NPAS3: variants seen among roughly 807,000 people sequenced by gnomAD.
NPAS3 encodes the protein neuronal PAS domain protein 3.
NPAS3 carries 14 observed loss-of-function variants against 73.1 expected under a neutral mutation model. The ratio of observed to expected loss-of-function variants is 0.19; its 90% confidence interval spans 0.13 to 0.30. The LOEUF is 0.30. Among genes scored for constraint, NPAS3 ranks in the 10% least tolerant of loss-of-function variants. The probability of loss-of-function intolerance (pLI) is 1.00; values close to 1 mark genes in which losing one functional copy is unlikely to be tolerated. For synonymous variants in NPAS3, 620 were observed against 541.5 expected, an observed-to-expected ratio of 1.14 and a Z score of -2.01; for missense variants, 1,096 against 1,250.0, an observed-to-expected ratio of 0.88 and a Z score of 1.86.
chr14:33,206,920 A>G (rs1215074210), intron 2 of NPAS3, among the ~76,000 whole-genome samples: 1 of 152,028 alleles, frequency 6.6e-6, no homozygotes, highest in Non-Finnish European at 1.5e-5. Flanking sequence ...GACCCTTTCA[A>G]ACATTTAGCT....
chr14:32,992,862 T>C (rs2038390591), intron 1 of NPAS3, among the ~76,000 whole-genome samples: 2 of 151,890 alleles, frequency 1.3e-5, no homozygotes, highest in Admixed American at 6.5e-5. Flanking sequence ...CAAGGAAAAT[T>C]ATGGTCTCTC....
intron 1 of NPAS3, among the ~76,000 whole-genome samples, chr14:32,951,155 G>C (rs1480940528): frequency 6.6e-6 from 1 of 151,960 alleles, no homozygotes; most frequent in Non-Finnish European, 1.5e-5. Flanking sequence ...TTCTACCTAG[G>C]TTCTTTAACC....
chr14:33,576,402 G>C (rs2056435111), intron 5 of NPAS3, among the ~76,000 whole-genome samples: 1 of 152,148 alleles, frequency 6.6e-6, no homozygotes. Flanking sequence ...CTGTCGCCTT[G>C]AGCTTGCCTT....
intron 3 of NPAS3, among the ~76,000 whole-genome samples, chr14:33,264,271 G>T (rs1297085503): frequency 6.6e-6 from 1 of 151,876 alleles, no homozygotes; most frequent in Non-Finnish European, 1.5e-5. Context: ...GGGGCCTGTT[G>T]TGGGGTAGGG....
chr14:33,434,052 C>T (rs1401746633), intron 4 of NPAS3, among the ~76,000 whole-genome samples: 8 of 151,858 alleles, frequency 5.3e-5, no homozygotes, highest in Non-Finnish European at 8.8e-5. Context: ...ATTAGCTGGG[C>T]GTGGTGGCAG....
intron 1 of NPAS3, among the ~76,000 whole-genome samples, chr14:32,962,557 CTTTTTTCTTTTCTTTTT>C (rs2036970910): frequency 7.5e-6 from 1 of 132,840 alleles, no homozygotes; most frequent in African/African-American, 2.9e-5. Context: ...TTCTTTCTTT[CTTTTTTCTTTTCTTTTT>C]TTTTTTTTTT....
At chr14:33,768,432 G>A (rs141772385) in intron 7 of NPAS3, among the ~76,000 whole-genome samples, 52 of 152,264 alleles carry the variant, frequency 3.4e-4, no homozygotes, top group Admixed American at 1.1e-3. Context: ...GCATTGGCCA[G>A]AACCAAAGCT....
At chr14:32,938,979 G>C (rs950910996), upstream of NPAS3, among the ~76,000 whole-genome samples, 3 of 146,268 alleles carry the variant, frequency 2.1e-5, no homozygotes, top group African/African-American at 7.4e-5. Context: ...CGGGCGAGCA[G>C]CGGGAGGAGA....
At chr14:33,712,864 C>G (rs1166273488) in intron 6 of NPAS3, among the ~76,000 whole-genome samples, 3 of 152,174 alleles carry the variant, frequency 2.0e-5, no homozygotes, top group Non-Finnish European at 4.4e-5. Flanking sequence ...AAAGGAAATG[C>G]TCCGAAAGCT....
intron 5 of NPAS3, among the ~76,000 whole-genome samples, chr14:33,653,557 G>A (rs1203771687): frequency 2.0e-5 from 3 of 152,214 alleles, no homozygotes; most frequent in Non-Finnish European, 4.4e-5. Flanking sequence ...TAATTAGGCT[G>A]TAGTTTATAC....
intron 1 of NPAS3, among the ~76,000 whole-genome samples, chr14:32,947,325 A>G (rs1440539165): frequency 6.6e-6 from 1 of 152,132 alleles, no homozygotes; most frequent in Non-Finnish European, 1.5e-5. Context: ...CAGTATTTCA[A>G]TGGTGGCAAG....
At chr14:32,960,483 A>C (rs1481526561) in intron 1 of NPAS3, among the ~76,000 whole-genome samples, 1 of 152,190 alleles carries the variant, frequency 6.6e-6, no homozygotes, top group African/African-American at 2.4e-5. Flanking sequence ...GTCTCTGACA[A>C]ATTACCAAGA....
At chr14:33,398,539 C>G (rs1053094457) in intron 4 of NPAS3, among the ~76,000 whole-genome samples, 1 of 151,852 alleles carries the variant, frequency 6.6e-6, no homozygotes, top group Middle Eastern at 3.2e-3. Context: ...TATTAACATG[C>G]TTTTGTATGA....
intron 2 of NPAS3, among the ~76,000 whole-genome samples, chr14:33,112,524 T>C (rs543683420): frequency 6.6e-6 from 1 of 152,352 alleles, no homozygotes; most frequent in African/African-American, 2.4e-5. Context: ...GTTGTTTTTT[T>C]CTTGTAAATC....
At chr14:33,167,206 ACT>A (rs1334435681) in intron 2 of NPAS3, among the ~76,000 whole-genome samples, 1 of 152,130 alleles carries the variant, frequency 6.6e-6, no homozygotes, top group African/African-American at 2.4e-5. Flanking sequence ...AATGCAGTTG[ACT>A]CTACCACACA....
At chr14:33,009,726 G>T (rs1465852590) in intron 1 of NPAS3, among the ~76,000 whole-genome samples, 1 of 152,046 alleles carries the variant, frequency 6.6e-6, no homozygotes, top group African/African-American at 2.4e-5. Flanking sequence ...TCATTATAAA[G>T]GTGAGGAACC....
intron 5 of NPAS3, 30 bp from the exon 6 acceptor site, chr14:33,676,181 T>G (rs2059759340): frequency 1.2e-6 from 2 of 1,611,158 alleles, no homozygotes; most frequent in African/African-American, 2.7e-5. Context: ...TATAATGTCT[T>G]TCCTTCCCAC....
intron 5 of NPAS3, among the ~76,000 whole-genome samples, chr14:33,617,371 G>A (rs892284290): frequency 1.1e-4 from 16 of 152,114 alleles, no homozygotes; most frequent in South Asian, 4.1e-4. Flanking sequence ...GGATGAACTC[G>A]TTGCTTGCTC....
chr14:33,682,402 A>C (rs997839972), intron 6 of NPAS3, among the ~76,000 whole-genome samples: 3 of 152,332 alleles, frequency 2.0e-5, no homozygotes, highest in African/African-American at 4.8e-5. Flanking sequence ...TTAGGCATAA[A>C]CACAGCTTTT....
Sources: allele counts gnomAD v4.1 joint callset (sites outside exome capture counted in the v4.1 genomes callset), GRCh38; gene constraint gnomAD v4.1.1; transcripts MANE v1.5; gene names NCBI Gene and HGNC (gene_info 2026-07-23, HGNC 2026-07-21).